Variants in UNC80 observed in about 807,000 individuals in gnomAD.
The protein encoded by UNC80 is protein unc-80 homolog.
In UNC80, 164 loss-of-function variants were observed where a neutral mutation model predicts 384.6. That is an observed-to-expected ratio of 0.43 (90% CI 0.38 to 0.49). The LOEUF is 0.49. UNC80 is among the 20% of genes least tolerant of loss of function. The pLI, the probability that UNC80 is intolerant of heterozygous loss-of-function variation, is 0.00. For synonymous variants in UNC80, 1,486 were observed against 1,527.8 expected (o/e 0.97, Z 0.64); for missense variants, 3,330 against 4,143.0 (o/e 0.80, Z 5.39).
chr2:209,844,108 T>G (rs190971464), intron 21 of UNC80, among the ~76,000 whole-genome samples: 7 of 152,306 alleles, frequency 4.6e-5, no homozygotes, highest in Admixed American at 4.6e-4. Flanking sequence ...TTACACTCTT[T>G]CCACTCCTCA....
At chr2:209,920,348 G>A (rs2089935535) in intron 33 of UNC80, among the ~76,000 whole-genome samples, 1 of 152,182 alleles carries the variant, frequency 6.6e-6, no homozygotes, top group Non-Finnish European at 1.5e-5. Context: ...AAGAGTTCTG[G>A]AATTGCCATT....
At position 209,933,953 on chromosome 2, in the gene UNC80, G is replaced by A. The variant is rs577169349; in HGVS notation, c.6126G>A (p.Thr2042=). The A allele has an allele frequency of 2.6e-6, 4 of 1,550,624 alleles. No individual in the cohort carries two copies. Among genetic ancestry groups the A allele is most frequent in the South Asian group, 1.2e-5 (1 of 83,994 alleles). Residue 2042 remains threonine, a synonymous_variant, in exon 39 of 65, where the codon ACG becomes ACA. Transcript: ENST00000673920. ...TCTTCTTCAAGGATCTCAAGCAGACGATGAAGAAGGAGCAGTGTGAGGTGA... is the reference window on the plus strand; with the variant it reads ...TCTTCTTCAAGGATCTCAAGCAGACAATGAAGAAGGAGCAGTGTGAGGTGA... ...EGLFFKDLKQ[T]MKKEQCEVKL... is the part of the protein sequence containing the mutation.
At chr2:209,834,330 A>G (rs1215090778) in intron 17 of UNC80, among the ~76,000 whole-genome samples, 162 bp downstream of exon 17, 1 of 152,224 alleles carries the variant, frequency 6.6e-6, no homozygotes, top group Non-Finnish European at 1.5e-5. Flanking sequence ...GCAGCTTAGA[A>G]AATGAATGAA....
At chr2:209,908,108 T>G (rs560338545) in intron 29 of UNC80, among the ~76,000 whole-genome samples, 3 of 152,384 alleles carry the variant, frequency 2.0e-5, no homozygotes, top group South Asian at 2.1e-4. Context: ...CTCATGATAC[T>G]TTTCATTTGC....
At position 209,917,909 on chromosome 2, in the gene UNC80, G is replaced by A. The variant is rs1178026744; in HGVS notation, c.5162G>A (p.Arg1721His). 4 of 1,551,686 alleles carry A rather than the reference G, an allele frequency of 2.6e-6. No homozygotes were observed. The highest frequency in any genetic ancestry group is 2.6e-6 in the Non-Finnish European group (3 of 1,146,984). The change falls in exon 32 of 65, where the codon CGC becomes CAC. Residue 1721 changes from arginine to histidine, a missense_variant. Transcript: ENST00000673920. ...VLKFHTLWRF[R>H]YQVWPRMEEG... The stretch of plus-strand genomic sequence containing the variant: ...AAGTTCCACACGCTCTGGAGGTTTC[G>A]CTATCAGGTCTGGCCCCGGATGGAG...
intron 28 of UNC80, among the ~76,000 whole-genome samples, chr2:209,897,338 G>T (rs1164339986): frequency 2.0e-5 from 3 of 152,144 alleles, no homozygotes; most frequent in Non-Finnish European, 4.4e-5. Flanking sequence ...TCTACCAGAC[G>T]CTACTCTTCC....
chr2:209,874,578 T>C (rs1016808430), intron 23 of UNC80, among the ~76,000 whole-genome samples: 1 of 152,222 alleles, frequency 6.6e-6, no homozygotes, highest in Non-Finnish European at 1.5e-5. Flanking sequence ...ACCATCATGC[T>C]TCAGAGTTTC....
intron 13 of UNC80, among the ~76,000 whole-genome samples, chr2:209,823,936 G>A (rs1399157441): frequency 1.3e-5 from 2 of 152,086 alleles, no homozygotes; most frequent in Non-Finnish European, 2.9e-5. Flanking sequence ...GAAGCCACAA[G>A]TAGAAAATTC....
chr2:209,797,546 A>G (rs1451875214), intron 7 of UNC80, among the ~76,000 whole-genome samples: 3 of 152,162 alleles, frequency 2.0e-5, no homozygotes, highest in Non-Finnish European at 4.4e-5. Flanking sequence ...GTATATATGT[A>G]CCACATTTTC....
At chr2:209,968,792 T>C (rs1004003387) in intron 52 of UNC80, 1 of 152,268 alleles carries the variant, frequency 6.6e-6, no homozygotes, top group Admixed American at 6.5e-5. Context: ...AAATGACCCA[T>C]TTATGCTTCC....
intron 21 of UNC80, among the ~76,000 whole-genome samples, chr2:209,845,828 T>TCTAA (rs2082126896): frequency 6.6e-6 from 1 of 152,192 alleles, no homozygotes; most frequent in African/African-American, 2.4e-5. Flanking sequence ...TATCTGCTTA[T>TCTAA]CTAAGTACAT....
In UNC80 at chr2:209,945,207, T is replaced by G. The variant is rs1229189084; in HGVS notation, c.7189+18T>G. 2.6e-6 allele frequency: 4 copies of G among 1,545,330 alleles called. No homozygotes were observed. Among genetic ancestry groups the G allele is most frequent in the Non-Finnish European group, 3.5e-6 (4 of 1,144,912 alleles). ...GTCATTAGGTAAAAGCAAAACTTGC[T>G]TTGACATTCTTTTTCTCACTGCAGT... On this transcript the variant is annotated intron_variant, in intron 46 of 64. Transcript: ENST00000673920.
intron 28 of UNC80, among the ~76,000 whole-genome samples, chr2:209,902,498 A>T (rs1452546652): frequency 6.6e-6 from 1 of 152,148 alleles, no homozygotes; most frequent in African/African-American, 2.4e-5. Context: ...TGCTAGAGAA[A>T]AACCTTTCAT....
At chr2:209,862,999 T>G (rs1401038765) in intron 22 of UNC80, among the ~76,000 whole-genome samples, 1 of 152,206 alleles carries the variant, frequency 6.6e-6, no homozygotes, top group Non-Finnish European at 1.5e-5. Context: ...ATTTAGTGCT[T>G]CTTTCAGGAG....
chr2:209,801,736 A>C (rs1208030760), intron 7 of UNC80, among the ~76,000 whole-genome samples: 1 of 120,330 alleles, frequency 8.3e-6, no homozygotes, highest in Admixed American at 9.0e-5. Context: ...TTTTCATTTG[A>C]TAATTTTTAA....
chr2:209,931,406 CACACACACACAGAT>C (rs1000205025), intron 38 of UNC80, among the ~76,000 whole-genome samples: 12 of 151,202 alleles, frequency 7.9e-5, no homozygotes, highest in African/African-American at 2.9e-4. Flanking sequence ...CACACACACA[CACACACACACAGAT>C]GCAACTGTTG....
chr2:209,993,581 T>C (rs535632579), intron 63 of UNC80, among the ~76,000 whole-genome samples, 155 bp downstream of exon 63: 5 of 152,262 alleles, frequency 3.3e-5, no homozygotes, highest in African/African-American at 1.2e-4. Context: ...TGTAGTGTCT[T>C]TTTTTTCTTC....
rs149058909 is a variant in UNC80 at position 209,806,281 on chromosome 2, G to A, written c.939-7299G>A. The stretch of plus-strand genomic sequence containing the variant: ...TGTTTCTTTTCTCTGACAAAATCAA[G>A]TGTTAATGGTTCCATTCTGATTTGC... On this transcript the variant is annotated intron_variant, in intron 7 of 64. Coordinates refer to ENST00000673920, the MANE Select transcript of UNC80 (RefSeq NM_001371986.1). 3.9e-5 allele frequency among the ~76,000 whole-genome samples: 6 copies of A among 152,186 alleles called. No homozygotes were observed. The East Asian group carries it at 9.6e-4, about 24-fold the overall frequency.
At chr2:209,922,420 T>TA (rs2090109800) in intron 35 of UNC80, 37 bp downstream of exon 35, 5 of 1,540,124 alleles carry the variant, frequency 3.2e-6, no homozygotes, top group Non-Finnish European at 4.4e-6. Context: ...TCTCCTGACT[T>TA]ATGTGTTTTG....
Sources: gnomAD v4.1 joint callset for allele counts (sites outside exome capture counted in the v4.1 genomes callset) on GRCh38, gnomAD v4.1.1 for gene constraint, MANE v1.5 for transcripts, NCBI Gene and HGNC (gene_info 2026-07-23, HGNC 2026-07-21) for gene names.